MGAT5: variants seen among roughly 807,000 people sequenced by gnomAD.
MGAT5 encodes the protein alpha-1,6-mannosylglycoprotein 6-beta-N-acetylglucosaminyltransferase.
In MGAT5, 30 loss-of-function variants were observed where a neutral mutation model predicts 94.3. The observed-to-expected ratio is 0.32, with a 90% confidence interval of 0.24 to 0.43. The LOEUF is 0.43. Among genes scored for constraint, MGAT5 ranks in the 20% least tolerant of loss-of-function variants. MGAT5 has a pLI of 1.00. For synonymous variants in MGAT5, 310 were observed against 322.9 expected (o/e 0.96, Z 0.43); for missense variants, 691 against 905.5 (o/e 0.76, Z 3.04).
chr2:134,361,123 A>G (rs1209347078), intron 9 of MGAT5, among the ~76,000 whole-genome samples: 2 of 152,192 alleles, frequency 1.3e-5, no homozygotes, highest in Non-Finnish European at 2.9e-5. Context: ...AAGGATTTCT[A>G]CGCTGCTACA....
At chr2:134,332,307 T>C (rs1688024743) in intron 4 of MGAT5, among the ~76,000 whole-genome samples, 1 of 151,992 alleles carries the variant, frequency 6.6e-6, no homozygotes, top group Non-Finnish European at 1.5e-5. Context: ...ATCTGATCTT[T>C]GACAAACCTG....
intron 2 of MGAT5, among the ~76,000 whole-genome samples, chr2:134,285,146 CT>C (rs1441187010): frequency 1.3e-5 from 2 of 151,866 alleles, no homozygotes; most frequent in Non-Finnish European, 2.9e-5. Flanking sequence ...ATTAAAAACA[CT>C]TTTTATAATG....
intron 2 of MGAT5, among the ~76,000 whole-genome samples, chr2:134,302,726 G>C (rs1280269080): frequency 1.4e-5 from 1 of 70,330 alleles, no homozygotes; most frequent in Non-Finnish European, 4.1e-5. Flanking sequence ...CTGTGTGTGT[G>C]TGTGTGTGTG....
At chr2:134,158,440 G>T (rs1179183902) in intron 1 of MGAT5, among the ~76,000 whole-genome samples, 1 of 152,238 alleles carries the variant, frequency 6.6e-6, no homozygotes, top group East Asian at 1.9e-4. Context: ...ACGTGGCCAG[G>T]TTGCGACAGT....
At chr2:134,390,704 G>A (rs1682348389) in intron 10 of MGAT5, among the ~76,000 whole-genome samples, 2 of 152,122 alleles carry the variant, frequency 1.3e-5, no homozygotes, top group Admixed American at 6.5e-5. Context: ...TATGTCACAT[G>A]ATATGTATTC....
chr2:134,188,652 T>A (rs759093957), intron 1 of MGAT5, among the ~76,000 whole-genome samples: 6 of 152,222 alleles, frequency 3.9e-5, no homozygotes, highest in Non-Finnish European at 5.9e-5. Flanking sequence ...AGCACTTGAA[T>A]TAACTGGAAA....
At chr2:134,257,907 G>A (rs535785571) in intron 1 of MGAT5, among the ~76,000 whole-genome samples, 1 of 138,132 alleles carries the variant, frequency 7.2e-6, no homozygotes, top group African/African-American at 2.8e-5. Context: ...TGCTTTGAGA[G>A]TGAAGAGTTG....
At chr2:134,370,721 T>G (rs2106154053) in intron 10 of MGAT5, among the ~76,000 whole-genome samples, 1 of 152,368 alleles carries the variant, frequency 6.6e-6, no homozygotes, top group South Asian at 2.1e-4. Flanking sequence ...GCCTGTTCTC[T>G]AAATTCAAGG....
chr2:134,447,990 G>A (rs61540709), intron 15 of MGAT5, among the ~76,000 whole-genome samples: 1,981 of 152,362 alleles, frequency 0.013, 40 homozygotes, highest in African/African-American at 0.044. Flanking sequence ...GGGAGGCGAT[G>A]CCCCAGGACA....
intron 1 of MGAT5, among the ~76,000 whole-genome samples, chr2:134,124,964 T>A (rs1685774220): frequency 6.6e-6 from 1 of 152,200 alleles, no homozygotes; most frequent in Admixed American, 6.5e-5. Flanking sequence ...AAATGTTTTT[T>A]AAAAATTATT....
intron 1 of MGAT5, among the ~76,000 whole-genome samples, chr2:134,232,475 A>G (rs1681419554): frequency 6.6e-6 from 1 of 152,204 alleles, no homozygotes; most frequent in Non-Finnish European, 1.5e-5. Context: ...AAGGGCTTCT[A>G]CATCTTGAAA....
rs558127132 is a variant in MGAT5, at chr2:134,448,994, C to G, written c.*147C>G. The G allele has an allele frequency of 1.3e-6, 1 of 769,968 alleles. No individual in the cohort carries two copies. Among genetic ancestry groups the G allele is most frequent in the Admixed American group, 2.6e-5 (1 of 38,944 alleles). The allele number at this position is 769,968 out of a possible 1,614,324, so 47.7% of individuals were successfully genotyped here. A position where few individuals can be genotyped will look rare whatever the true frequency, so the allele number is the denominator to read the frequency against. Reference sequence around the variant, plus strand: ...AGGTTCTGAATTGGCATTGCCCTTGCTGCACTCCGAGCAACCCAGTGGAGT... The same window carrying G: ...AGGTTCTGAATTGGCATTGCCCTTGGTGCACTCCGAGCAACCCAGTGGAGT... On this transcript the variant is annotated 3_prime_UTR_variant, in exon 16 of 16. Transcript: ENST00000281923.
chr2:134,152,671 A>G (rs1210269214), intron 1 of MGAT5, among the ~76,000 whole-genome samples: 8 of 152,268 alleles, frequency 5.3e-5, no homozygotes, highest in Non-Finnish European at 8.8e-5. Flanking sequence ...AGACTTCACT[A>G]ATGAACGTGG....
intron 10 of MGAT5, among the ~76,000 whole-genome samples, chr2:134,381,430 A>C (rs1681601428): frequency 1.4e-5 from 2 of 143,450 alleles, no homozygotes; most frequent in South Asian, 4.5e-4. Context: ...AGATAGATAG[A>C]TAGCCTGGGC....
At chr2:134,406,913 C>A (rs370640969) in intron 11 of MGAT5, among the ~76,000 whole-genome samples, 1 of 151,938 alleles carries the variant, frequency 6.6e-6, no homozygotes, top group African/African-American at 2.4e-5. Context: ...TCTGAAATAC[C>A]CAGGGCTTGA....
intron 2 of MGAT5, among the ~76,000 whole-genome samples, chr2:134,272,972 T>C (rs1395878998): frequency 6.6e-6 from 1 of 152,214 alleles, no homozygotes; most frequent in Non-Finnish European, 1.5e-5. Context: ...CTCAGGCTAA[T>C]GTTTGTAAAA....
At chr2:134,190,735 C>T (rs1326385603) in intron 1 of MGAT5, among the ~76,000 whole-genome samples, 1 of 152,092 alleles carries the variant, frequency 6.6e-6, no homozygotes, top group Non-Finnish European at 1.5e-5. Flanking sequence ...GCCTCAACCT[C>T]CCCAGGCTCA....
At chr2:134,145,711 A>G (rs149439908) in intron 1 of MGAT5, among the ~76,000 whole-genome samples, 244 of 152,366 alleles carry the variant, frequency 1.6e-3, no homozygotes, top group African/African-American at 5.6e-3. Flanking sequence ...GCCTCTGGGC[A>G]AGTTGCTTAA....
chr2:134,240,837 G>A (rs74602543), intron 1 of MGAT5, among the ~76,000 whole-genome samples: 1,624 of 152,322 alleles, frequency 0.011, 23 homozygotes, highest in African/African-American at 0.027. Context: ...CACCTGCAGT[G>A]TGTTATTTGT....
Sources: allele counts gnomAD v4.1 joint callset (sites outside exome capture counted in the v4.1 genomes callset), GRCh38; gene constraint gnomAD v4.1.1; transcripts MANE v1.5; gene names NCBI Gene and HGNC (gene_info 2026-07-23, HGNC 2026-07-21).